ZNF836: variants seen among roughly 807,000 people sequenced by gnomAD.
ZNF836 encodes the protein zinc finger protein 836.
ZNF836 carries 12 observed loss-of-function variants against 7.4 expected under a neutral mutation model. That is an observed-to-expected ratio of 1.61 (90% CI 1.03 to 2.61). ZNF836 has a LOEUF of 2.61. Among genes scored for constraint, ZNF836 ranks in the 30% most tolerant of loss-of-function variants. The pLI is 0.00. For missense variants in ZNF836, 998 were observed against 1,126.2 expected (o/e 0.89, Z 1.63); for synonymous variants, 365 against 382.6 (o/e 0.95, Z 0.54).
At chr19:52,165,573 G>T (rs767694103) in intron 3 of ZNF836, among the ~76,000 whole-genome samples, 1 of 152,196 alleles carries the variant, frequency 6.6e-6, no homozygotes, top group Admixed American at 6.5e-5. Context: ...ACTTGCAACA[G>T]TAGCTCCCCA....
In ZNF836 at chr19:52,161,322, A is replaced by G. The variant is rs779383567; in HGVS notation, c.16-731T>C. On this transcript the variant is annotated intron_variant, in intron 3 of 4. Coordinates refer to ENST00000682614, the MANE Select transcript of ZNF836 (RefSeq NM_001102657.3). This position sits in a 1 kb window ranked among gnomAD's most constrained non-coding sequence, Gnocchi z 4.1. ...AGACTGGGTAATTTATGAACAATAGAAATGTATTTCTCATGATTCTGCTGG... is the reference window on the plus strand; with the variant it reads ...AGACTGGGTAATTTATGAACAATAGGAATGTATTTCTCATGATTCTGCTGG... Among the ~76,000 whole-genome samples the G allele has an allele frequency of 3.3e-5, 5 of 152,194 alleles. No individual in the cohort carries two copies. Among genetic ancestry groups the G allele is most frequent in the African/African-American group, 4.8e-5 (2 of 41,448 alleles).
chr19:52,155,294 G>A lies in ZNF836; in HGVS notation c.2389C>T (p.Arg797Trp), dbSNP rs201864588. 4.5e-5 allele frequency: 73 copies of A among 1,613,782 alleles called. No individual in the cohort carries two copies. The African/African-American group carries it at 5.5e-4, about 12-fold the overall frequency. ...FRHQSTLARH[R>W]SIHTGEKPYV... The stretch of plus-strand genomic sequence containing the variant: ...GGTTTCTCTCCAGTATGAATACTCC[G>A]ATGACGTGCTAGTGTTGATTGATGA... Residue 797 changes from arginine (R) to tryptophan (W), a missense_variant, in exon 5 of 5, where the codon CGG becomes TGG. By Grantham distance (101) the Arg-to-Trp change is moderately radical. Coordinates refer to ENST00000682614, the MANE Select transcript of ZNF836 (RefSeq NM_001102657.3).
Position 52,171,541 on chromosome 19 carries a change from GC to G in ZNF836, c.-421del, listed in dbSNP as rs2089308324. On this transcript the variant is annotated 5_prime_UTR_variant, in exon 1 of 5. Transcript: ENST00000682614. ...CTTCCGGGTGTGCAGGAAGCTACAC[GC>G]CCTGAGAAAAAAGACTGAGAGACCT... is the stretch of plus-strand genomic sequence containing the variant. The G allele has an allele frequency of 2.0e-5, 3 of 152,248 alleles. No homozygotes were observed. The highest frequency in any genetic ancestry group is 1.3e-4 in the Admixed American group (2 of 15,286). 9.4% of individuals were successfully genotyped at this position (152,248 alleles called of 1,614,324 possible).
intron 3 of ZNF836, among the ~76,000 whole-genome samples, chr19:52,160,889 C>G (rs35387212): frequency 0.042 from 6,456 of 152,224 alleles, 196 homozygotes; most frequent in South Asian, 0.075. Context: ...AATATATCAA[C>G]TGAGTGTCCA....
intron 3 of ZNF836, chr19:52,165,476 C>A (rs1398721974): frequency 6.6e-6 from 1 of 152,232 alleles, no homozygotes; most frequent in Admixed American, 6.5e-5. Flanking sequence ...AACTTCACAG[C>A]AGAACATTCA....
At position 52,155,658 on chromosome 19, in the gene ZNF836, A is replaced by C; in HGVS notation, c.2025T>G (p.Tyr675Ter). ...GTTTAGTGAGGCTTGAACGCTGAGT[A>C]TAGGCTTTGCCACAATCATTACATT... Reference protein sequence around the residue: ...PYKCNDCGKAYTQRSSLTKHL... With the variant: ...PYKCNDCGKA The change falls in exon 5 of 5, where the codon TAT (tyrosine) becomes TAG (stop). Residue 675 changes from tyrosine to a stop codon, truncating the protein, a stop_gained. Transcript: ENST00000682614. LOFTEE classifies it low-confidence loss of function (END_TRUNC). The C allele has an allele frequency of 6.2e-7, 1 of 1,614,134 alleles. No homozygotes were observed. The highest frequency in any genetic ancestry group is 8.5e-7 in the Non-Finnish European group (1 of 1,180,012).
At chr19:52,158,153 A>T (rs1480730429) in intron 4 of ZNF836, among the ~76,000 whole-genome samples, 5 of 152,180 alleles carry the variant, frequency 3.3e-5, no homozygotes, top group Non-Finnish European at 7.3e-5. Flanking sequence ...TAGCACTAAA[A>T]CAAGTATTTT....
At position 52,161,750 on chromosome 19, in the gene ZNF836, A is replaced by G. The variant is rs770230187; in HGVS notation, c.16-1159T>C. On this transcript the variant is annotated intron_variant, in intron 3 of 4. Transcript: ENST00000682614. The surrounding 1 kb of genome is among the most constrained non-coding windows in gnomAD (Gnocchi z 4.1). The stretch of plus-strand genomic sequence containing the variant: ...ATACATTCTATCCTAATGGCTCCCA[A>G]AGCTTTATTTCTACAACCAATTCAA... Among the ~76,000 whole-genome samples the G allele has an allele frequency of 5.7e-4, 87 of 152,312 alleles. No homozygotes were observed. The highest frequency in any genetic ancestry group is 6.8e-3 in the Middle Eastern group (2 of 294).
At chr19:52,160,204 AAAG>A in intron 4 of ZNF836, 1 of 491,928 alleles carries the variant, frequency 2.0e-6, no homozygotes, top group Non-Finnish European at 3.5e-6. Flanking sequence ...AAAAAAAAAA[AAAG>A]TACCATTATA....
chr19:52,160,359 G>A (rs755444400), intron 4 of ZNF836, 106 bp downstream of exon 4: 13 of 1,412,410 alleles, frequency 9.2e-6, no homozygotes, highest in Non-Finnish European at 3.0e-6. Flanking sequence ...AGTCAACAAG[G>A]CTTCAGTCTC....
chr19:52,162,688 CTCAG>C (rs2089223089), intron 3 of ZNF836, among the ~76,000 whole-genome samples: 1 of 152,138 alleles, frequency 6.6e-6, no homozygotes, highest in Non-Finnish European at 1.5e-5. Context: ...TTGTTGGTAA[CTCAG>C]TCGGCCGTTT....
Position 52,155,663 on chromosome 19 carries a change from C to T in ZNF836, c.2020G>A (p.Ala674Thr), listed in dbSNP as rs374564270. ...GTGAGGCTTGAACGCTGAGTATAGG[C>T]TTTGCCACAATCATTACATTTGTAA... ...KPYKCNDCGK[A>T]YTQRSSLTKH... The change falls in exon 5 of 5, where the codon GCC becomes ACC. Residue 674 changes from alanine to threonine, a missense_variant. By Grantham distance (58) the Ala-to-Thr change is moderately conservative. Coordinates refer to ENST00000682614, the MANE Select transcript of ZNF836 (RefSeq NM_001102657.3). 1.9e-6 allele frequency: 3 copies of T among 1,614,172 alleles called. No homozygotes were observed. Among genetic ancestry groups the T allele is most frequent in the Non-Finnish European group, 2.5e-6 (3 of 1,180,022 alleles).
intron 4 of ZNF836, 117 bp downstream of exon 4, chr19:52,160,348 G>T: frequency 7.8e-7 from 1 of 1,277,990 alleles, no homozygotes; most frequent in East Asian, 2.3e-5. Flanking sequence ...TTTTATTTGT[G>T]AGTCAACAAG....
intron 2 of ZNF836, 63 bp from the exon 3 acceptor site, chr19:52,168,215 C>A: frequency 9.0e-7 from 1 of 1,113,306 alleles, no homozygotes; most frequent in South Asian, 1.5e-5. Flanking sequence ...GCGCTACAAC[C>A]ATGCCCACAG....
Position 52,156,526 on chromosome 19 carries a change from T to G in ZNF836, c.1157A>C (p.Tyr386Ser). 1 of 1,614,176 alleles carries G rather than the reference T, an allele frequency of 6.2e-7. No individual in the cohort carries two copies. Among genetic ancestry groups the G allele is most frequent in the Middle Eastern group, 1.6e-4 (1 of 6,062 alleles). Residue 386 changes from tyrosine to serine, a missense_variant, in exon 5 of 5, where the codon TAC becomes TCC. Transcript: ENST00000682614. ...HQRIHTGEKP[Y>S]KCNICGKSFS... ...GGACTTTCCACATATGTTGCATTTG[T>G]ATGGTTTCTCTCCAGTGTGGATTCT... is the stretch of plus-strand genomic sequence containing the variant.
chr19:52,168,326 G>A (rs1387323244), intron 2 of ZNF836, among the ~76,000 whole-genome samples, 174 bp from the exon 3 acceptor site: 2 of 152,122 alleles, frequency 1.3e-5, no homozygotes, highest in African/African-American at 4.8e-5. Context: ...GGTGGCTCAC[G>A]CCTGTAATCC....
chr19:52,159,817 T>C (rs73575007), intron 4 of ZNF836, among the ~76,000 whole-genome samples: 3,863 of 152,128 alleles, frequency 0.025, 136 homozygotes, highest in African/African-American at 0.081. Context: ...GGCAGCAGCG[T>C]TTGTGCTTGC....
intron 4 of ZNF836, among the ~76,000 whole-genome samples, chr19:52,158,407 T>A (rs61057876): frequency 6.6e-6 from 1 of 151,876 alleles, no homozygotes; most frequent in Non-Finnish European, 1.5e-5. Context: ...CACTAAGTTA[T>A]TTTTCTGAAT....
Position 52,156,801 on chromosome 19 carries a change from T to C in ZNF836, c.882A>G (p.Arg294=). 6.2e-7 allele frequency: 1 copy of C among 1,614,198 alleles called. No homozygotes were observed. Among genetic ancestry groups the C allele is most frequent in the South Asian group, 1.1e-5 (1 of 91,086 alleles). The change falls in exon 5 of 5, where the codon AGA becomes AGG. Residue 294 remains arginine (R), a synonymous_variant. Transcript: ENST00000682614. The part of the protein sequence containing the change: ...RQNSDLVNHR[R]SHTGEKPYKC... ...TGTACGGTTTCTCTCCAGTGTGACTTCTCCGGTGATTTACAAGATCTGAAT... is the reference window on the plus strand; with the variant it reads ...TGTACGGTTTCTCTCCAGTGTGACTCCTCCGGTGATTTACAAGATCTGAAT...
Sources: allele counts gnomAD v4.1 joint callset (sites outside exome capture counted in the v4.1 genomes callset), GRCh38; gene constraint gnomAD v4.1.1; non-coding constraint Gnocchi (gnomAD v3.1); transcripts MANE v1.5; gene names NCBI Gene and HGNC (gene_info 2026-07-23, HGNC 2026-07-21).